Variants in VWC2 observed in about 807,000 individuals in gnomAD.
VWC2 encodes brorin.
VWC2 carries 14 observed loss-of-function variants against 29.8 expected under a neutral mutation model. That is an observed-to-expected ratio of 0.47 (90% CI 0.31 to 0.74). VWC2 has a LOEUF of 0.74. Ranked by LOEUF, VWC2 falls within the 30% of genes least tolerant of loss-of-function variation. The pLI, the probability that VWC2 is intolerant of heterozygous loss-of-function variation, is 0.05. For missense variants in VWC2, 457 were observed against 459.8 expected (o/e 0.99, Z 0.05); for synonymous variants, 213 against 199.0 (o/e 1.07, Z -0.59).
chr7:49,845,957 G>A (rs1377802055), intron 3 of VWC2, among the ~76,000 whole-genome samples: 1 of 152,098 alleles, frequency 6.6e-6, no homozygotes, highest in Non-Finnish European at 1.5e-5. Context: ...CTGCCCCTGT[G>A]GATATTTTGT....
At chr7:49,863,827 T>C (rs1385126603) in intron 3 of VWC2, among the ~76,000 whole-genome samples, 6 of 152,234 alleles carry the variant, frequency 3.9e-5, no homozygotes, top group Admixed American at 3.9e-4. Context: ...TTTTACTCAT[T>C]CTTTTAGGTG....
intron 3 of VWC2, among the ~76,000 whole-genome samples, chr7:49,871,954 C>CAT (rs1562743809): frequency 1.5e-5 from 1 of 65,890 alleles, no homozygotes; most frequent in Non-Finnish European, 3.2e-5. Flanking sequence ...CACACACACA[C>CAT]ACACCGAGAA....
intron 3 of VWC2, among the ~76,000 whole-genome samples, chr7:49,838,556 A>G (rs1484270518): frequency 6.6e-6 from 1 of 151,998 alleles, no homozygotes; most frequent in Non-Finnish European, 1.5e-5. Flanking sequence ...GGGCTAGCAC[A>G]GGAGGGCCTG....
chr7:49,775,371 C>A lies in VWC2; in HGVS notation c.-65C>A. ...CGGCTGGCGGCGGCGCGCCCCCGGGCTGTGAATGCGACTCGCCCCTCGGCC... is the reference window on the plus strand; with the variant it reads ...CGGCTGGCGGCGGCGCGCCCCCGGGATGTGAATGCGACTCGCCCCTCGGCC... On this transcript the variant is annotated 5_prime_UTR_variant, in exon 2 of 4. The change creates a new upstream start codon in the 5' untranslated region. Transcript: ENST00000340652. 7.8e-7 allele frequency: 1 copy of A among 1,276,566 alleles called. No homozygotes were observed. Among genetic ancestry groups the A allele is most frequent in the Non-Finnish European group, 1.0e-6 (1 of 1,001,418 alleles). 79.1% of individuals were successfully genotyped at this position (1,276,566 alleles called of 1,614,324 possible).
At chr7:49,776,207 C>T (rs1186360104) in intron 2 of VWC2, 76 bp downstream of exon 2, 2 of 1,290,860 alleles carry the variant, frequency 1.5e-6, no homozygotes, top group South Asian at 1.5e-5. Flanking sequence ...TGTGGTCCCC[C>T]ACTTTGAAGA....
At chr7:49,786,239 G>A (rs749051195) in intron 2 of VWC2, among the ~76,000 whole-genome samples, 6 of 152,102 alleles carry the variant, frequency 3.9e-5, no homozygotes. Flanking sequence ...GTGGTATTTG[G>A]TTTTCTGTTC....
chr7:49,801,046 C>A (rs1182380583), intron 2 of VWC2, among the ~76,000 whole-genome samples: 2 of 152,078 alleles, frequency 1.3e-5, no homozygotes, highest in African/African-American at 4.8e-5. Context: ...TGGCCAAGTA[C>A]ACATACACAC....
intron 3 of VWC2, among the ~76,000 whole-genome samples, chr7:49,807,212 G>A (rs1203143442): frequency 6.6e-6 from 1 of 152,188 alleles, no homozygotes; most frequent in African/African-American, 2.4e-5. Context: ...AAAGATGTGA[G>A]TCTGCTTCAA....
At chr7:49,844,396 C>T (rs1015602886) in intron 3 of VWC2, among the ~76,000 whole-genome samples, 4 of 152,196 alleles carry the variant, frequency 2.6e-5, no homozygotes, top group Non-Finnish European at 4.4e-5. Flanking sequence ...TCAGAACGAT[C>T]GGCTTTGCCC....
intron 3 of VWC2, among the ~76,000 whole-genome samples, chr7:49,821,013 G>A (rs150081811): frequency 1.0e-4 from 15 of 150,302 alleles, no homozygotes; most frequent in African/African-American, 2.7e-4. Context: ...AGCCCTCCCC[G>A]CCCAGGATGC....
chr7:49,848,708 C>A (rs916560372), intron 3 of VWC2, among the ~76,000 whole-genome samples: 1 of 152,210 alleles, frequency 6.6e-6, no homozygotes, highest in Non-Finnish European at 1.5e-5. Flanking sequence ...AAGGCAAACA[C>A]ATTTTTGTGT....
At chr7:49,863,939 ATGT>A (rs1232509115) in intron 3 of VWC2, among the ~76,000 whole-genome samples, 3 of 152,064 alleles carry the variant, frequency 2.0e-5, no homozygotes, top group African/African-American at 4.8e-5. Context: ...AAGTTTTCGT[ATGT>A]TGTTTTAAAA....
intron 3 of VWC2, among the ~76,000 whole-genome samples, chr7:49,882,657 T>G (rs1374909204): frequency 1.3e-5 from 2 of 152,052 alleles, no homozygotes; most frequent in Non-Finnish European, 2.9e-5. Context: ...ACACTACGTC[T>G]CATCCCTGGT....
At chr7:49,809,291 A>T (rs1788946520) in intron 3 of VWC2, among the ~76,000 whole-genome samples, 1 of 151,996 alleles carries the variant, frequency 6.6e-6, no homozygotes, top group Non-Finnish European at 1.5e-5. Flanking sequence ...AAATGGACAG[A>T]TTCCTAGGAA....
chr7:49,800,333 C>T lies in VWC2; in HGVS notation c.697-2378C>T, dbSNP rs146605034. 3.2e-3 allele frequency among the ~76,000 whole-genome samples: 486 copies of T among 152,292 alleles called. 3 individuals are homozygous for T. The highest frequency in any genetic ancestry group is 0.011 in the African/African-American group (447 of 41,558). ...TTGCAGTTGGACCTTTATCTCTGGT[C>T]CTGCTGTATTCCAGGGCCCTCCCCG... On this transcript the variant is annotated intron_variant, in intron 2 of 3. Coordinates refer to ENST00000340652, the MANE Select transcript of VWC2 (RefSeq NM_198570.5).
At chr7:49,779,550 T>A (rs1375900056) in intron 2 of VWC2, among the ~76,000 whole-genome samples, 1 of 151,940 alleles carries the variant, frequency 6.6e-6, no homozygotes, top group Admixed American at 6.5e-5. Context: ...CCAGCAGGCA[T>A]CCAACTTTGA....
chr7:49,786,422 G>A (rs1380245850), intron 2 of VWC2, among the ~76,000 whole-genome samples: 1 of 152,148 alleles, frequency 6.6e-6, no homozygotes, highest in East Asian at 1.9e-4. Flanking sequence ...CTTTGCTATT[G>A]TGAGTAGTGC....
chr7:49,792,735 G>C (rs761900066), intron 2 of VWC2, among the ~76,000 whole-genome samples: 1 of 152,176 alleles, frequency 6.6e-6, no homozygotes, highest in Non-Finnish European at 1.5e-5. Flanking sequence ...ATTTTCCCTC[G>C]GGCTTGGCTG....
At position 49,775,498 on chromosome 7, in the gene VWC2, C is replaced by T. The variant is rs1463556347; in HGVS notation, c.63C>T (p.Cys21=). ...CCAGTTCCCTCCTGGTCACCTGCTG[C>T]CTGATGGTGGCTCTGTGCAGTCCGA... ...ALSSSLLVTC[C]LMVALCSPSI... The change falls in exon 2 of 4, where the codon TGC becomes TGT. Residue 21 remains cysteine, a synonymous_variant. Coordinates refer to ENST00000340652, the MANE Select transcript of VWC2 (RefSeq NM_198570.5). The T allele has an allele frequency of 4.5e-6, 7 of 1,561,662 alleles. No homozygotes were observed. The highest frequency in any genetic ancestry group is 6.0e-6 in the Non-Finnish European group (7 of 1,159,270).
Sources: allele counts gnomAD v4.1 joint callset (sites outside exome capture counted in the v4.1 genomes callset), GRCh38; gene constraint gnomAD v4.1.1; transcripts MANE v1.5; gene names NCBI Gene and HGNC (gene_info 2026-07-23, HGNC 2026-07-21).